The following ERICH6B variants were observed in gnomAD, a reference collection of about 807,000 sequenced individuals.
ERICH6B encodes the protein glutamate rich 6B, also known as glutamate-rich protein 6B.
In ERICH6B, 69 loss-of-function variants were observed where a neutral mutation model predicts 80.0. The ratio of observed to expected loss-of-function variants is 0.86; its 90% confidence interval spans 0.71 to 1.05. The LOEUF (loss-of-function observed/expected upper bound fraction) is 1.05, where lower values mean the gene tolerates loss of function less well. Among genes scored for constraint, ERICH6B ranks in the 50% least tolerant of loss-of-function variants. The probability of loss-of-function intolerance (pLI) is 0.00; values close to 1 mark genes in which losing one functional copy is unlikely to be tolerated. For synonymous variants in ERICH6B, 283 were observed against 291.9 expected (o/e 0.97, Z 0.31); for missense variants, 754 against 796.1 (o/e 0.95, Z 0.64).
chr13:45,551,011 A>G (rs1000833290), intron 11 of ERICH6B, among the ~76,000 whole-genome samples: 1 of 152,224 alleles, frequency 6.6e-6, no homozygotes. Context: ...TGGTATACTC[A>G]AATTTTTTAT....
intron 7 of ERICH6B, among the ~76,000 whole-genome samples, chr13:45,577,232 C>CCCCA (rs1875444034): frequency 6.6e-6 from 1 of 151,518 alleles, no homozygotes; most frequent in Non-Finnish European, 1.5e-5. Context: ...ACACACTGTT[C>CCCCA]CCCAGGTGGA....
intron 3 of ERICH6B, among the ~76,000 whole-genome samples, chr13:45,593,166 G>C (rs1378846529): frequency 1.3e-5 from 2 of 152,202 alleles, no homozygotes; most frequent in African/African-American, 4.8e-5. Flanking sequence ...ACTTTGGGGG[G>C]AATCAACCCT....
At chr13:45,583,273 C>CT (rs890558247) in intron 5 of ERICH6B, among the ~76,000 whole-genome samples, 5 of 152,066 alleles carry the variant, frequency 3.3e-5, no homozygotes, top group South Asian at 2.1e-4. Context: ...TCTGTCTTGA[C>CT]TTTTTTTGGC....
At chr13:45,606,499 GTATGTGTATATATATATATA>G (rs60233699) in intron 2 of ERICH6B, among the ~76,000 whole-genome samples, 984 of 40,646 alleles carry the variant, frequency 0.024, 89 homozygotes, top group Middle Eastern at 0.036. Context: ...TCCCAAAAGT[GTATGTGTATATATATATATA>G]TATATATATA....
Position 45,549,932 on chromosome 13 carries a change from G to A in ERICH6B, c.1607C>T (p.Ser536Leu). ...TTCATCATAGAAGGTAGCATTGCCTGAGTTGTTGATAAGGGCCCGGATCCT... is the reference window on the plus strand; with the variant it reads ...TTCATCATAGAAGGTAGCATTGCCTAAGTTGTTGATAAGGGCCCGGATCCT... ...EGRIRALINNSGNATFYDENS... is the reference protein window; with the variant it reads ...EGRIRALINNLGNATFYDENS... Residue 536 changes from serine to leucine, a missense_variant, in exon 13 of 15, where the codon TCA becomes TTA. Transcript: ENST00000298738. The A allele has an allele frequency of 6.4e-7, 1 of 1,551,576 alleles. No individual in the cohort carries two copies. The highest frequency in any genetic ancestry group is 8.7e-7 in the Non-Finnish European group (1 of 1,146,984).
chr13:45,578,115 A>C (rs1875497496), intron 7 of ERICH6B, among the ~76,000 whole-genome samples: 1 of 152,236 alleles, frequency 6.6e-6, no homozygotes, highest in African/African-American at 2.4e-5. Context: ...GTTTAACAAG[A>C]ACCGCTACCC....
At chr13:45,577,364 A>C (rs1459367063) in intron 7 of ERICH6B, among the ~76,000 whole-genome samples, 1 of 145,010 alleles carries the variant, frequency 6.9e-6, no homozygotes, top group Non-Finnish European at 1.5e-5. Context: ...GCTCACTGCA[A>C]TCTCCGCCTC....
intron 11 of ERICH6B, among the ~76,000 whole-genome samples, chr13:45,556,633 G>A (rs1023129830): frequency 1.3e-5 from 2 of 152,064 alleles, no homozygotes; most frequent in African/African-American, 4.8e-5. Context: ...TCCCACTTAT[G>A]AGTGAGAACG....
chr13:45,582,583 T>C (rs1875719750), intron 5 of ERICH6B, among the ~76,000 whole-genome samples: 1 of 152,196 alleles, frequency 6.6e-6, no homozygotes, highest in African/African-American at 2.4e-5. Flanking sequence ...TCTACAAATA[T>C]AAATATTCCT....
chr13:45,578,020 T>G (rs2985939), intron 7 of ERICH6B, among the ~76,000 whole-genome samples: 49,958 of 152,188 alleles, frequency 0.33, 9,275 homozygotes, highest in East Asian at 0.63. Context: ...TTGACCAAAC[T>G]TTAGTCAGGC....
At chr13:45,576,999 A>T (rs143781760) in intron 7 of ERICH6B, among the ~76,000 whole-genome samples, 1 of 152,094 alleles carries the variant, frequency 6.6e-6, no homozygotes, top group African/African-American at 2.4e-5. Flanking sequence ...TAGTGATATC[A>T]TTATCTCCTC....
intron 2 of ERICH6B, among the ~76,000 whole-genome samples, chr13:45,601,374 G>A (rs1949826042): frequency 6.6e-6 from 1 of 152,180 alleles, no homozygotes. Flanking sequence ...GAACACAGTG[G>A]CAGCCTATTT....
chr13:45,550,142 T>A (rs1470625267), intron 12 of ERICH6B, 89 bp downstream of exon 12: 1 of 1,531,292 alleles, frequency 6.5e-7, no homozygotes, highest in African/African-American at 1.4e-5. Context: ...ACCCCACACC[T>A]CAGTCAAACC....
chr13:45,592,958 TG>T (rs1275493248), intron 3 of ERICH6B, among the ~76,000 whole-genome samples: 1 of 152,180 alleles, frequency 6.6e-6, no homozygotes, highest in African/African-American at 2.4e-5. Context: ...AGATGGTAAG[TG>T]ACATGCCCAA....
chr13:45,588,550 AGAT>A (rs1282624896), intron 4 of ERICH6B, among the ~76,000 whole-genome samples: 1 of 152,160 alleles, frequency 6.6e-6, no homozygotes, highest in Non-Finnish European at 1.5e-5. Context: ...CCTTCTAGCG[AGAT>A]GATGACTGTC....
Position 45,596,569 on chromosome 13 carries a change from A to T in ERICH6B, c.437T>A (p.Leu146Gln), listed in dbSNP as rs891738510. 13 of 1,547,142 alleles carry T rather than the reference A, an allele frequency of 8.4e-6. No individual in the cohort carries two copies. Among genetic ancestry groups the T allele is most frequent in the Non-Finnish European group, 1.0e-5 (12 of 1,143,648 alleles). The change falls in exon 3 of 15, where the codon CTG becomes CAG. Residue 146 changes from leucine (L) to glutamine (Q), a missense_variant. Transcript: ENST00000298738. ...EEEYLGKEGY[L>Q]EKEDYIEEVD... is the part of the protein sequence containing the mutation. ...CTCCTCAATATAATCTTCCTTCTCC[A>T]GATACCCTTCCTTCCCCAGATACTC...
intron 6 of ERICH6B, 80 bp from the exon 7 acceptor site, chr13:45,580,054 A>G: frequency 3.4e-6 from 4 of 1,185,772 alleles, no homozygotes; most frequent in Non-Finnish European, 4.9e-6. Flanking sequence ...TATGGAATCA[A>G]TTTAAAAATC....
chr13:45,568,380 T>C lies in ERICH6B; in HGVS notation c.1122A>G (p.Glu374=). 6.5e-7 allele frequency: 1 copy of C among 1,549,662 alleles called. No homozygotes were observed. Residue 374 remains glutamate, a synonymous_variant, in exon 9 of 15, where the codon GAA becomes GAG. Coordinates refer to ENST00000298738, the MANE Select transcript of ERICH6B (RefSeq NM_182542.3). ...IKEMAAHNEL[E]EDFDIPLTKL... is the part of the protein sequence containing the mutation. Reference sequence around the variant, plus strand: ...TAGTTAGGGGAATGTCAAAATCCTCTTCCAGTTCATTGTGAGCAGCCATTT... The same window carrying C: ...TAGTTAGGGGAATGTCAAAATCCTCCTCCAGTTCATTGTGAGCAGCCATTT...
At chr13:45,550,570 A>G (rs1027841200) in intron 11 of ERICH6B, among the ~76,000 whole-genome samples, 2 of 152,208 alleles carry the variant, frequency 1.3e-5, no homozygotes, top group African/African-American at 4.8e-5. Context: ...TTAGATTCCC[A>G]GGGATGCTTG....
Sources: allele counts gnomAD v4.1 joint callset (sites outside exome capture counted in the v4.1 genomes callset), GRCh38; gene constraint gnomAD v4.1.1; transcripts MANE v1.5; gene names NCBI Gene and HGNC (gene_info 2026-07-23, HGNC 2026-07-21).